SLC2A8: variants seen among roughly 807,000 people sequenced by gnomAD.
SLC2A8 encodes the protein solute carrier family 2 member 8.
In SLC2A8, 53 loss-of-function variants were observed where a neutral mutation model predicts 49.2. The observed-to-expected ratio is 1.08, with a 90% CI of 0.86 to 1.35. The LOEUF (loss-of-function observed/expected upper bound fraction) is 1.35. Among genes scored for constraint, SLC2A8 ranks in the 40% most tolerant of loss-of-function variants. SLC2A8 has a pLI of 0.00. For synonymous variants in SLC2A8, 299 were observed against 297.0 expected, an observed-to-expected ratio of 1.01 and a Z score of -0.07; for missense variants, 688 against 671.7, an observed-to-expected ratio of 1.02 and a Z score of -0.27.
intron 5 of SLC2A8, chr9:127,403,423 C>T (rs956120331): frequency 1.7e-6 from 1 of 579,534 alleles, no homozygotes; most frequent in Non-Finnish European, 3.1e-6. Flanking sequence ...CCCAGATTAC[C>T]TCTTTGTGGC....
chr9:127,398,394 C>T, intron 3 of SLC2A8: 1 of 749,948 alleles, frequency 1.3e-6, no homozygotes, highest in Non-Finnish European at 2.5e-6. Flanking sequence ...GTTGCAGGAA[C>T]CCAGGGTTGT....
rs766932148 is a variant in SLC2A8, at chr9:127,403,797, G to T, written c.861G>T (p.Lys287Asn). ...CAGAGACCATCTTTGAAGAGGCCAAGTTCAAGGTAAAAGGGCCCTGCCTGG... is the reference window on the plus strand; with the variant it reads ...CAGAGACCATCTTTGAAGAGGCCAATTTCAAGGTAAAAGGGCCCTGCCTGG... ...FYAETIFEEA[K>N]FKDSSLASVV... is the part of the protein sequence containing the mutation. Residue 287 changes from lysine to asparagine, a missense_variant, in exon 6 of 10, where the codon AAG (lysine) becomes AAT (asparagine). Lys to Asn is a moderately conservative substitution (Grantham distance 94). Coordinates refer to ENST00000373371, the MANE Select transcript of SLC2A8 (RefSeq NM_014580.5). The T allele has an allele frequency of 5.0e-6, 8 of 1,612,498 alleles. No individual in the cohort carries two copies. In the Middle Eastern group the frequency reaches 4.9e-4, roughly 99 times the overall value.
In SLC2A8 at chr9:127,397,373, C is replaced by T. The variant is rs939692340; in HGVS notation, c.57-3C>T. ...CCGCTCACCCTCGGCCCTGTCCCCC[C>T]AGCGCGCCCCGCGGCCGCCGCGTCT... On this transcript the variant is annotated splice_region_variant and splice_polypyrimidine_tract_variant and intron_variant, in intron 1 of 9. Coordinates refer to ENST00000373371, the MANE Select transcript of SLC2A8 (RefSeq NM_014580.5). 6.8e-6 allele frequency: 10 copies of T among 1,463,600 alleles called. No individual in the cohort carries two copies. The highest frequency in any genetic ancestry group is 6.0e-5 in the East Asian group (2 of 33,418). 90.7% of individuals were successfully genotyped at this position (1,463,600 alleles called of 1,614,324 possible).
Position 127,407,227 on chromosome 9 carries a change from C to T in SLC2A8, c.1412C>T (p.Thr471Ile). The change falls in exon 10 of 10, where the codon ACA (threonine) becomes ATA (isoleucine). Residue 471 changes from threonine to isoleucine, a missense_variant. Transcript: ENST00000373371. ...AAAGGAAAGACTCTGGAACAAATCACAGCCCATTTTGAGGGGCGATGACAG... is the reference window on the plus strand; with the variant it reads ...AAAGGAAAGACTCTGGAACAAATCATAGCCCATTTTGAGGGGCGATGACAG... ...ETKGKTLEQI[T>I]AHFEGR The T allele has an allele frequency of 6.2e-7, 1 of 1,613,320 alleles. No homozygotes were observed. The highest frequency in any genetic ancestry group is 1.3e-5 in the African/African-American group (1 of 75,058).
chr9:127,398,964 C>T (rs1833159732), intron 3 of SLC2A8, among the ~76,000 whole-genome samples: 2 of 152,262 alleles, frequency 1.3e-5, no homozygotes, highest in South Asian at 4.1e-4. Flanking sequence ...CCGGCAGCAG[C>T]AGCTGGACCA....
intron 5 of SLC2A8, 92 bp from the exon 6 acceptor site, chr9:127,403,568 G>C: frequency 3.3e-6 from 5 of 1,493,406 alleles, no homozygotes; most frequent in Non-Finnish European, 4.6e-6. Context: ...GGGAGTCAGC[G>C]CTCCCCAAGC....
intron 9 of SLC2A8, among the ~76,000 whole-genome samples, chr9:127,406,292 G>A (rs1443289196): frequency 1.3e-5 from 2 of 152,222 alleles, no homozygotes; most frequent in East Asian, 1.9e-4. Context: ...GTGGGGCTGG[G>A]TTAGGATGTG....
rs1190873954 is a variant in SLC2A8, at chr9:127,397,264, C to T, written c.34C>T (p.Leu12Phe). The change falls in exon 1 of 10, where the codon CTT (leucine) becomes TTT (phenylalanine). Residue 12 changes from leucine (L) to phenylalanine (F), a missense_variant. By Grantham distance (22) the Leu-to-Phe change is conservative. Coordinates refer to ENST00000373371, the MANE Select transcript of SLC2A8 (RefSeq NM_014580.5). Reference sequence around the variant, plus strand: ...CGAGGACCCAGAGGAAACCCAGCCGCTTCTGGGGCCTCCTGGCGGCAGGTG... The same window carrying T: ...CGAGGACCCAGAGGAAACCCAGCCGTTTCTGGGGCCTCCTGGCGGCAGGTG... Reference protein sequence around the residue: ...TPEDPEETQPLLGPPGGSAPR... With the variant: ...TPEDPEETQPFLGPPGGSAPR... The T allele has an allele frequency of 1.4e-6, 2 of 1,407,904 alleles. No homozygotes were observed. The highest frequency in any genetic ancestry group is 1.8e-6 in the Non-Finnish European group (2 of 1,091,394). 87.2% of individuals were successfully genotyped at this position (1,407,904 alleles called of 1,614,324 possible). A position where few individuals can be genotyped will look rare whatever the true frequency, so the allele number is the denominator to read the frequency against.
Position 127,399,926 on chromosome 9 carries a change from C to T in SLC2A8, c.446C>T (p.Ala149Val), listed in dbSNP as rs147506527. 4.2e-5 allele frequency: 68 copies of T among 1,613,736 alleles called. No homozygotes were observed. Among genetic ancestry groups the T allele is most frequent in the Non-Finnish European group, 5.7e-5 (67 of 1,179,800 alleles). Reference protein sequence around the residue: ...LVAPVYISEIAYPAVRGLLGS... With the variant: ...LVAPVYISEIVYPAVRGLLGS... ...TGGCAGGTCTACATCTCCGAAATCG[C>T]CTACCCAGCAGTCCGGGGGTTGCTC... Residue 149 changes from alanine (A) to valine (V), a missense_variant, in exon 4 of 10, where the codon GCC becomes GTC. Physicochemically the swap from Ala to Val is moderately conservative, Grantham distance 64. Coordinates refer to ENST00000373371, the MANE Select transcript of SLC2A8 (RefSeq NM_014580.5). The surrounding 1 kb of genome is among the most constrained non-coding windows in gnomAD (Gnocchi z 4.2).
intron 4 of SLC2A8, among the ~76,000 whole-genome samples, chr9:127,401,372 C>T (rs972545987): frequency 7.2e-5 from 11 of 152,216 alleles, no homozygotes; most frequent in Admixed American, 3.3e-4. Flanking sequence ...GGGGGCCTGA[C>T]GGGCTATGGC....
chr9:127,402,431 C>T (rs1012730988), intron 4 of SLC2A8, 126 bp from the exon 5 acceptor site: 10 of 1,366,544 alleles, frequency 7.3e-6, no homozygotes, highest in Admixed American at 6.1e-5. Context: ...ATGTCAGTAG[C>T]GAACATGAGG....
chr9:127,405,838 C>T (rs539596488), intron 9 of SLC2A8, among the ~76,000 whole-genome samples: 5 of 152,324 alleles, frequency 3.3e-5, no homozygotes, highest in South Asian at 4.1e-4. Flanking sequence ...GTCAGGAAAG[C>T]GGGCCTTGAG....
chr9:127,407,710 G>T lies in SLC2A8; in HGVS notation c.*461G>T, dbSNP rs1053806197. The T allele has an allele frequency of 7.0e-6, 2 of 286,920 alleles. No individual in the cohort carries two copies. The highest frequency in any genetic ancestry group is 4.4e-5 in the African/African-American group (2 of 45,614). The allele number at this position is 286,920 out of a possible 1,614,324, so 17.8% of individuals were successfully genotyped here. On this transcript the variant is annotated 3_prime_UTR_variant, in exon 10 of 10. Coordinates refer to ENST00000373371, the MANE Select transcript of SLC2A8 (RefSeq NM_014580.5). ...CTTTGTGCAAGCTCAGTTTGAAAAG[G>T]GTTTATTCCCATCACTGCCCAGGAC...
At chr9:127,397,308 C>T (rs1833059090) in intron 1 of SLC2A8, 22 bp downstream of exon 1, 3 of 1,380,882 alleles carry the variant, frequency 2.2e-6, no homozygotes, top group South Asian at 3.3e-5. Flanking sequence ...GGAACCCGGG[C>T]CCGGATGCGG....
rs1418714576 is a variant in SLC2A8, at chr9:127,406,030, C to T, written c.1296+465C>T. 3.3e-5 allele frequency: 17 copies of T among 519,610 alleles called. No individual in the cohort carries two copies. The Admixed American group carries it at 3.3e-4, about 10-fold the overall frequency. 32.2% of individuals were successfully genotyped at this position (519,610 alleles called of 1,614,324 possible). A position where few individuals can be genotyped will look rare whatever the true frequency, so the allele number is the denominator to read the frequency against. ...GATGGGAGCATTAATTCAGTTCATC[C>T]TGTTGCTGCCTTCTCACGGATGGAC... is the stretch of plus-strand genomic sequence containing the variant. On this transcript the variant is annotated intron_variant, in intron 9 of 9. Coordinates refer to ENST00000373371, the MANE Select transcript of SLC2A8 (RefSeq NM_014580.5).
rs765138172 is a variant in SLC2A8, at chr9:127,404,078, A to G, written c.976+11A>G. 9.1e-6 allele frequency: 14 copies of G among 1,535,172 alleles called. No homozygotes were observed. Among genetic ancestry groups the G allele is most frequent in the South Asian group, 2.4e-5 (2 of 82,574 alleles). ...TCCTGGTCTTGTCAGGTGAGGGTTC[A>G]CCCCTGTGCAGCCTCCCCGCCATGC... On this transcript the variant is annotated intron_variant, in intron 7 of 9. Coordinates refer to ENST00000373371, the MANE Select transcript of SLC2A8 (RefSeq NM_014580.5).
At chr9:127,400,167 T>TTTTTTTTTTTTTG (rs1833225738) in intron 4 of SLC2A8, among the ~76,000 whole-genome samples, 161 bp downstream of exon 4, 1 of 112,186 alleles carries the variant, frequency 8.9e-6, no homozygotes, top group African/African-American at 4.3e-5. Context: ...TAGGTGAGTC[T>TTTTTTTTTTTTTG]TTTTTTTTTT....
intron 3 of SLC2A8, 104 bp downstream of exon 3, chr9:127,398,215 C>G: frequency 8.2e-7 from 1 of 1,226,824 alleles, no homozygotes; most frequent in Non-Finnish European, 1.2e-6. Flanking sequence ...CCTGGCGGGA[C>G]CTTCTGGGTG....
chr9:127,403,622 G>T, intron 5 of SLC2A8, 38 bp from the exon 6 acceptor site: 1 of 1,611,250 alleles, frequency 6.2e-7, no homozygotes, highest in Non-Finnish European at 8.5e-7. Context: ...TGCGGGAGGG[G>T]AGAGAGAAAT....
Sources: gnomAD v4.1 joint callset for allele counts (sites outside exome capture counted in the v4.1 genomes callset) on GRCh38, gnomAD v4.1.1 for gene constraint, Gnocchi (gnomAD v3.1) non-coding constraint, MANE v1.5 for transcripts, NCBI Gene and HGNC (gene_info 2026-07-23, HGNC 2026-07-21) for gene names.